DAB2IP: variants seen among roughly 807,000 people sequenced by gnomAD.
DAB2IP encodes disabled homolog 2-interacting protein.
Under a neutral mutation model 107.2 loss-of-function variants are expected in DAB2IP, and 28 were observed. The observed-to-expected ratio is 0.26, with a 90% CI of 0.19 to 0.36. DAB2IP has a LOEUF of 0.36. Ranked by LOEUF, DAB2IP falls within the 10% of genes least tolerant of loss-of-function variation. The pLI is 1.00. For synonymous variants in DAB2IP, 755 were observed against 706.4 expected (o/e 1.07, Z -1.09); for missense variants, 1,400 against 1,644.7 (o/e 0.85, Z 2.57).
At chr9:121,722,969 T>C (rs1258208074) in intron 3 of DAB2IP, among the ~76,000 whole-genome samples, 1 of 152,176 alleles carries the variant, frequency 6.6e-6, no homozygotes, top group East Asian at 1.9e-4. Context: ...CTGCAGACTT[T>C]TTTCTGTGGC....
rs1831973578 is a variant in DAB2IP, at chr9:121,633,603, C to T, written c.41-45075C>T. Among the ~76,000 whole-genome samples the T allele has an allele frequency of 6.6e-6, 1 of 152,200 alleles. No homozygotes were observed. Among genetic ancestry groups the T allele is most frequent in the Admixed American group, 6.5e-5 (1 of 15,286 alleles). On this transcript the variant is annotated intron_variant, in intron 1 of 16. Coordinates refer to the DAB2IP transcript ENST00000259371. This position sits in a 1 kb window ranked among gnomAD's most constrained non-coding sequence, Gnocchi z 5.1. Reference sequence around the variant, plus strand: ...ACTCGAGGAGACTCTTTTCATTAGGCTTTTAAGACCTGGCAGGCTCTATCC... The same window carrying T: ...ACTCGAGGAGACTCTTTTCATTAGGTTTTTAAGACCTGGCAGGCTCTATCC...
At chr9:121,668,196 A>ATTT (rs11314701) in intron 1 of DAB2IP, among the ~76,000 whole-genome samples, 5 of 142,588 alleles carry the variant, frequency 3.5e-5, no homozygotes, top group African/African-American at 5.3e-5. Flanking sequence ...GCTGTTGTTG[A>ATTT]TTTTTTTTTT....
In DAB2IP at chr9:121,699,365, C is replaced by T. The variant is rs750341980; in HGVS notation, c.269C>T (p.Thr90Ile). 1 of 1,484,156 alleles carries T rather than the reference C, an allele frequency of 6.7e-7. No homozygotes were observed. The highest frequency in any genetic ancestry group is 1.2e-5 in the South Asian group (1 of 80,354). The allele number at this position is 1,484,156 out of a possible 1,614,324, so 91.9% of individuals were successfully genotyped here. A position where few individuals can be genotyped will look rare whatever the true frequency, so the allele number is the denominator to read the frequency against. The change falls in exon 3 of 16, where the codon ACC (threonine) becomes ATC (isoleucine). Residue 90 changes from threonine (T) to isoleucine (I), a missense_variant. Physicochemically the swap from Thr to Ile is moderately conservative, Grantham distance 89 (BLOSUM62 -1). Around this residue, in one of 3 missense-constraint regions of DAB2IP, gnomAD observed 283 missense variants for 237.0 expected, o/e 1.19. Transcript: ENST00000408936. The surrounding 1 kb of genome is among the most constrained non-coding windows in gnomAD (Gnocchi z 6.2). The stretch of plus-strand genomic sequence containing the variant: ...CGCCTCAAGGGCTCCATCAAGCGCA[C>T]CAAGAGCCAGCCCAAGCTGGACCGC...
At chr9:121,631,813 T>TAAAA (rs752400251) in intron 1 of DAB2IP, among the ~76,000 whole-genome samples, 2 of 58,892 alleles carry the variant, frequency 3.4e-5, no homozygotes, top group Non-Finnish European at 6.2e-5. Context: ...AGACTCCGTC[T>TAAAA]AAAAAAAAAA....
intron 3 of DAB2IP, among the ~76,000 whole-genome samples, chr9:121,744,097 G>A (rs1832546283): frequency 6.6e-6 from 1 of 152,246 alleles, no homozygotes; most frequent in African/African-American, 2.4e-5. Flanking sequence ...TTTCTGAGCT[G>A]AGGAGCTTGG....
chr9:121,610,368 C>G (rs886721456), intron 1 of DAB2IP, among the ~76,000 whole-genome samples: 3 of 152,166 alleles, frequency 2.0e-5, no homozygotes, highest in Non-Finnish European at 4.4e-5. Context: ...ACCAGCCACT[C>G]GGCTCATCAG....
chr9:121,670,882 G>A (rs1166661919), intron 1 of DAB2IP, among the ~76,000 whole-genome samples: 3 of 152,196 alleles, frequency 2.0e-5, no homozygotes, highest in Non-Finnish European at 4.4e-5. Context: ...GCCGGGCGTG[G>A]TGGCTGAGGC....
Position 121,759,050 on chromosome 9 carries a change from A to G in DAB2IP, c.615+54A>G. Reference sequence around the variant, plus strand: ...TGGGGGATTGAAGGTAGGCTCAGATAGGAGGAAACAAGAGAGACTATCTCT... The same window carrying G: ...TGGGGGATTGAAGGTAGGCTCAGATGGGAGGAAACAAGAGAGACTATCTCT... On this transcript the variant is annotated intron_variant, in intron 5 of 15. Coordinates refer to ENST00000408936, the Ensembl canonical transcript of DAB2IP. 3 of 1,537,112 alleles carry G rather than the reference A, an allele frequency of 2.0e-6. No individual in the cohort carries two copies. In the South Asian group the frequency reaches 3.5e-5, roughly 18 times the overall value.
rs1280930148 is a variant in DAB2IP, at chr9:121,651,872, T to C, written c.97T>C (p.Ser33Pro). 2.8e-6 allele frequency: 4 copies of C among 1,442,392 alleles called. No homozygotes were observed. Among genetic ancestry groups the C allele is most frequent in the Non-Finnish European group, 3.7e-6 (4 of 1,092,786 alleles). The allele number at this position is 1,442,392 out of a possible 1,614,324, so 89.3% of individuals were successfully genotyped here. A position where few individuals can be genotyped will look rare whatever the true frequency, so the allele number is the denominator to read the frequency against. The change falls in exon 1 of 16, where the codon TCC becomes CCC. Residue 33 changes from serine to proline, a missense_variant. This residue lies in a region of DAB2IP where 283 missense variants were observed against 237.0 expected (regional missense o/e 1.19). Coordinates refer to ENST00000408936, the Ensembl canonical transcript of DAB2IP. This position sits in a 1 kb window ranked among gnomAD's most constrained non-coding sequence, Gnocchi z 5.1. Reference sequence around the variant, plus strand: ...CCGGCTGCAGCGACAGAGGAGCCGCTCCCGCAGCCGGACCCGGCCTGCCAG... The same window carrying C: ...CCGGCTGCAGCGACAGAGGAGCCGCCCCCGCAGCCGGACCCGGCCTGCCAG...
At position 121,772,015 on chromosome 9, in the gene DAB2IP, C is replaced by T. The variant is rs567284289; in HGVS notation, c.2079-592C>T. ...GAGGAGGAGGCCAGGGCAAGTGCAGCCCTCCCACCAAGTCATGCTCTCCAC... is the reference window on the plus strand; with the variant it reads ...GAGGAGGAGGCCAGGGCAAGTGCAGTCCTCCCACCAAGTCATGCTCTCCAC... On this transcript the variant is annotated intron_variant, in intron 11 of 15. Transcript: ENST00000408936. This position sits in a 1 kb window ranked among gnomAD's most constrained non-coding sequence, Gnocchi z 4.7. Among the ~76,000 whole-genome samples, 1 of 152,324 alleles carries T rather than the reference C, an allele frequency of 6.6e-6. No homozygotes were observed. Among genetic ancestry groups the T allele is most frequent in the South Asian group, 2.1e-4 (1 of 4,828 alleles).
chr9:121,759,795 TG>T, intron 5 of DAB2IP, 89 bp from the exon 6 acceptor site: 2 of 1,228,398 alleles, frequency 1.6e-6, no homozygotes, highest in African/African-American at 1.5e-5. Context: ...GAGCTCCTCC[TG>T]GGTCTGAGGA....
Position 121,684,589 on chromosome 9 carries a change from G to C in DAB2IP, c.228+5808G>C, listed in dbSNP as rs993589718. Among the ~76,000 whole-genome samples the C allele has an allele frequency of 9.8e-5, 15 of 152,294 alleles. No homozygotes were observed. Among genetic ancestry groups the C allele is most frequent in the South Asian group, 8.3e-4 (4 of 4,818 alleles). ...CCCAGCCCCAGCTGTAGAGGGACCC[G>C]AAGTTTGGGCTGCGGGCTGCCTGAA... On this transcript the variant is annotated intron_variant, in intron 2 of 15. Transcript: ENST00000408936. The surrounding 1 kb of genome is among the most constrained non-coding windows in gnomAD (Gnocchi z 4.0).
rs1027929094 is a variant in DAB2IP, at chr9:121,592,051, C to T, written c.40+24823C>T. On this transcript the variant is annotated intron_variant, in intron 1 of 16. Transcript: ENST00000259371. ...TACCAACAAGGAGGTCATTGGTGAC[C>T]TTCCCGAGAGCCATTAGGAAATACT... Among the ~76,000 whole-genome samples the T allele has an allele frequency of 2.6e-5, 4 of 152,118 alleles. No individual in the cohort carries two copies. The South Asian group carries it at 8.3e-4, about 32-fold the overall frequency.
chr9:121,584,399 C>T (rs1455866595), intron 1 of DAB2IP, among the ~76,000 whole-genome samples: 2 of 151,664 alleles, frequency 1.3e-5, no homozygotes, highest in South Asian at 4.2e-4. Context: ...CAGAGCAAGA[C>T]CCTGTCTCTA....
At chr9:121,775,099 G>A (rs929276383) in intron 13 of DAB2IP, among the ~76,000 whole-genome samples, 3 of 152,224 alleles carry the variant, frequency 2.0e-5, no homozygotes, top group African/African-American at 7.2e-5. Flanking sequence ...AGCTGTGGCA[G>A]CTGCTCTGGA....
chr9:121,694,359 C>A (rs1829313187), intron 2 of DAB2IP, among the ~76,000 whole-genome samples: 3 of 152,172 alleles, frequency 2.0e-5, no homozygotes, highest in African/African-American at 4.8e-5. Context: ...CTTATCCTCC[C>A]AAGGATTCCT....
intron 1 of DAB2IP, among the ~76,000 whole-genome samples, chr9:121,638,540 G>A (rs1832168111): frequency 6.6e-6 from 1 of 152,204 alleles, no homozygotes; most frequent in South Asian, 2.1e-4. Flanking sequence ...GAGGGGAGTG[G>A]TGGTTTTTCT....
chr9:121,760,998 A>G lies in DAB2IP; in HGVS notation c.1170+559A>G, dbSNP rs923388668. Among the ~76,000 whole-genome samples, 4 of 152,206 alleles carry G rather than the reference A, an allele frequency of 2.6e-5. No individual in the cohort carries two copies. The highest frequency in any genetic ancestry group is 5.9e-5 in the Non-Finnish European group (4 of 68,034). ...AGCCAGCCCCACCCCAGAGCCTCAC[A>G]GAAGCGGGAATCGTCTGAGACCCAC... On this transcript the variant is annotated intron_variant, in intron 6 of 15. Coordinates refer to ENST00000408936, the Ensembl canonical transcript of DAB2IP. The surrounding 1 kb of genome is among the most constrained non-coding windows in gnomAD (Gnocchi z 5.9).
chr9:121,737,514 C>T (rs927049650), intron 3 of DAB2IP: 7 of 985,342 alleles, frequency 7.1e-6, no homozygotes, highest in Non-Finnish European at 8.4e-6. Context: ...GAAGAGCTGC[C>T]TGGGTGAGCA....
Sources: gnomAD v4.1 joint callset for allele counts (sites outside exome capture counted in the v4.1 genomes callset) on GRCh38, gnomAD v4.1.1 for gene constraint, gnomAD v4.1.1 regional missense constraint, Gnocchi (gnomAD v3.1) non-coding constraint, MANE v1.5 for transcripts, NCBI Gene and HGNC (gene_info 2026-07-23, HGNC 2026-07-21) for gene names.